The following KCNK13 variants were observed in gnomAD, a reference collection of about 807,000 sequenced individuals.
KCNK13 encodes the protein potassium channel subfamily K member 13.
KCNK13 carries 12 observed loss-of-function variants against 23.4 expected under a neutral mutation model. The ratio of observed to expected loss-of-function variants is 0.51; its 90% CI spans 0.33 to 0.83. The LOEUF (loss-of-function observed/expected upper bound fraction) is 0.83. Ranked by LOEUF, KCNK13 falls within the 40% of genes least tolerant of loss-of-function variation. The probability of loss-of-function intolerance (pLI) is 0.02; values close to 1 mark genes in which losing one functional copy is unlikely to be tolerated. For synonymous variants in KCNK13, 231 were observed against 229.5 expected (o/e 1.01, Z -0.06); for missense variants, 463 against 556.3 (o/e 0.83, Z 1.69).
intron 1 of KCNK13, among the ~76,000 whole-genome samples, chr14:90,164,522 C>G (rs1043786985): frequency 6.6e-6 from 1 of 152,130 alleles, no homozygotes; most frequent in Admixed American, 6.5e-5. Context: ...AGAAGAAAAA[C>G]TTAATCTTCT....
intron 1 of KCNK13, among the ~76,000 whole-genome samples, chr14:90,122,259 G>A (rs1889747804): frequency 6.6e-6 from 1 of 151,670 alleles, no homozygotes; most frequent in Non-Finnish European, 1.5e-5. Context: ...TCAGAAGTGA[G>A]TAACAGAAGT....
chr14:90,126,616 T>C (rs1430576801), intron 1 of KCNK13, among the ~76,000 whole-genome samples: 1 of 152,120 alleles, frequency 6.6e-6, no homozygotes, highest in African/African-American at 2.4e-5. Flanking sequence ...CAATCTCGGT[T>C]CACTGCAACC....
intron 1 of KCNK13, among the ~76,000 whole-genome samples, chr14:90,136,796 C>A (rs1021348623): frequency 3.3e-5 from 5 of 152,086 alleles, no homozygotes; most frequent in African/African-American, 1.2e-4. Context: ...TCCTCCCGCC[C>A]CTCATTCCAG....
At chr14:90,109,801 C>T (rs988947698) in intron 1 of KCNK13, among the ~76,000 whole-genome samples, 3 of 151,890 alleles carry the variant, frequency 2.0e-5, no homozygotes, top group South Asian at 2.1e-4. Context: ...CTCAGCCTCC[C>T]GGGCTCAGGT....
intron 1 of KCNK13, among the ~76,000 whole-genome samples, chr14:90,081,346 A>G (rs1596768970): frequency 1.3e-5 from 2 of 152,216 alleles, no homozygotes; most frequent in Non-Finnish European, 2.9e-5. Context: ...AATCATTTCA[A>G]AGTATTTAAA....
chr14:90,131,704 G>A (rs1390851628), intron 1 of KCNK13, among the ~76,000 whole-genome samples: 1 of 152,192 alleles, frequency 6.6e-6, no homozygotes, highest in Admixed American at 6.5e-5. Flanking sequence ...ATGTTTTGTA[G>A]ATTTTGTAGA....
In KCNK13 at chr14:90,150,199, C is replaced by T. The variant is rs867077178; in HGVS notation, c.335-33912C>T. On this transcript the variant is annotated intron_variant, in intron 1 of 1. Coordinates refer to ENST00000282146, the MANE Select transcript of KCNK13 (RefSeq NM_022054.4). ...GGAAAACTGAAAGAGCATCTCAGGC[C>T]GAGGTACAGAAGCTGGAGAGGATGT... 1.4e-4 allele frequency among the ~76,000 whole-genome samples: 21 copies of T among 152,086 alleles called. No individual in the cohort carries two copies. The South Asian group carries it at 1.7e-3, about 12-fold the overall frequency.
At chr14:90,181,293 CA>C (rs1190500390) in intron 1 of KCNK13, among the ~76,000 whole-genome samples, 2 of 152,154 alleles carry the variant, frequency 1.3e-5, no homozygotes, top group African/African-American at 4.8e-5. Context: ...GGTTTATCCA[CA>C]ATAGAGGTTT....
At chr14:90,097,066 A>T (rs1056152575) in intron 1 of KCNK13, among the ~76,000 whole-genome samples, 69 of 152,012 alleles carry the variant, frequency 4.5e-4, no homozygotes, top group African/African-American at 1.7e-3. Flanking sequence ...GGGAGATGAA[A>T]CTCAAACCTT....
chr14:90,062,459 G>A lies in KCNK13; in HGVS notation c.254G>A (p.Gly85Asp). Residue 85 changes from glycine to aspartate, a missense_variant, in exon 1 of 2, where the codon GGC becomes GAC. Gly to Asp is a moderately conservative substitution (Grantham distance 94). Around this residue, in one of 3 missense-constraint regions of KCNK13, gnomAD observed 153 missense variants for 153.6 expected, o/e 1.00. Coordinates refer to ENST00000282146, the MANE Select transcript of KCNK13 (RefSeq NM_022054.4). The surrounding 1 kb of genome is among the most constrained non-coding windows in gnomAD (Gnocchi z 4.5). ...CACTACGAGGAGGCCACTCGGGCCG[G>A]CATCCGCGTGGACAACGTCCGCCCG... ...LRHYEEATRAGIRVDNVRPRW... is the reference protein window; with the variant it reads ...LRHYEEATRADIRVDNVRPRW... 6.5e-7 allele frequency: 1 copy of A among 1,545,986 alleles called. No individual in the cohort carries two copies. The highest frequency in any genetic ancestry group is 8.7e-7 in the Non-Finnish European group (1 of 1,145,844).
At chr14:90,118,227 G>A (rs1197453487) in intron 1 of KCNK13, among the ~76,000 whole-genome samples, 1 of 152,182 alleles carries the variant, frequency 6.6e-6, no homozygotes, top group East Asian at 1.9e-4. Context: ...TGGTGAATAA[G>A]CAAGCTCTTC....
chr14:90,070,968 T>C (rs1382861224), intron 1 of KCNK13, among the ~76,000 whole-genome samples: 2 of 152,190 alleles, frequency 1.3e-5, no homozygotes, highest in African/African-American at 4.8e-5. Flanking sequence ...ATTATTTGTT[T>C]CCTGCTGGGA....
intron 1 of KCNK13, among the ~76,000 whole-genome samples, chr14:90,127,929 A>G (rs1311063004): frequency 1.3e-5 from 2 of 151,984 alleles, no homozygotes; most frequent in Non-Finnish European, 1.5e-5. Context: ...GGAAGAATAT[A>G]TATTGTAGAA....
At chr14:90,091,112 A>G (rs1018008145) in intron 1 of KCNK13, among the ~76,000 whole-genome samples, 1 of 152,158 alleles carries the variant, frequency 6.6e-6, no homozygotes, top group African/African-American at 2.4e-5. Context: ...GAGATATGTG[A>G]ACCAAGTGAT....
intron 1 of KCNK13, among the ~76,000 whole-genome samples, chr14:90,077,070 C>T (rs1710019): frequency 0.62 from 89,643 of 145,678 alleles, 28,602 homozygotes; most frequent in African/African-American, 0.78. Flanking sequence ...CCGCCCGCCT[C>T]AGCCTCCCAA....
chr14:90,068,132 A>G (rs770089453), intron 1 of KCNK13, among the ~76,000 whole-genome samples: 2 of 152,120 alleles, frequency 1.3e-5, no homozygotes, highest in Non-Finnish European at 1.5e-5. Flanking sequence ...TCAAGCACCA[A>G]TGATTAAATG....
chr14:90,101,810 A>AAAAAAAAAAAAAAC (rs1465117776), intron 1 of KCNK13, among the ~76,000 whole-genome samples: 1 of 149,316 alleles, frequency 6.7e-6, no homozygotes, highest in African/African-American at 2.5e-5. Flanking sequence ...AAAAAAAAAA[A>AAAAAAAAAAAAAAC]AACCTCACAA....
chr14:90,079,970 CTT>C lies in KCNK13; in HGVS notation c.334+17433_334+17434del, dbSNP rs748895825. ...GAAACAGGTCCCAAAGCAGAAGACT[CTT>C]TGCAGATGAGGGAGAGAAGGAGGGA... On this transcript the variant is annotated intron_variant, in intron 1 of 1. Transcript: ENST00000282146. Among the ~76,000 whole-genome samples the C allele has an allele frequency of 1.4e-4, 21 of 152,246 alleles. No individual in the cohort carries two copies. In the South Asian group the frequency reaches 4.4e-3, roughly 32 times the overall value.
chr14:90,081,408 A>G (rs981334524), intron 1 of KCNK13, among the ~76,000 whole-genome samples: 2 of 152,244 alleles, frequency 1.3e-5, no homozygotes, highest in African/African-American at 4.8e-5. Flanking sequence ...GGAAATAACC[A>G]ACTCCAAGAG....
Sources: gnomAD v4.1 joint callset for allele counts (sites outside exome capture counted in the v4.1 genomes callset) on GRCh38, gnomAD v4.1.1 for gene constraint, gnomAD v4.1.1 regional missense constraint, Gnocchi (gnomAD v3.1) non-coding constraint, MANE v1.5 for transcripts, NCBI Gene and HGNC (gene_info 2026-07-23, HGNC 2026-07-21) for gene names.